LRP5: variants seen among roughly 807,000 people sequenced by gnomAD.
The protein encoded by LRP5 is LDL receptor related protein 5, also known as low-density lipoprotein receptor-related protein 5.
Under a neutral mutation model 154.1 loss-of-function variants are expected in LRP5, and 62 were observed. That is an observed-to-expected ratio of 0.40 (90% CI 0.33 to 0.50). LRP5 has a LOEUF of 0.50. Among genes scored for constraint, LRP5 ranks in the 20% least tolerant of loss-of-function variants. The pLI is 0.55. For missense variants in LRP5, 1,915 were observed against 2,336.7 expected, an observed-to-expected ratio of 0.82 and a Z score of 3.72; for synonymous variants, 966 against 1,011.5, an observed-to-expected ratio of 0.96 and a Z score of 0.85.
At chr11:68,422,493 T>A (rs1488128949) in intron 13 of LRP5, among the ~76,000 whole-genome samples, 4 of 152,206 alleles carry the variant, frequency 2.6e-5, no homozygotes, top group Non-Finnish European at 4.4e-5. Context: ...AGTAGGCTTC[T>A]GGGCTGTCCT....
intron 13 of LRP5, among the ~76,000 whole-genome samples, chr11:68,417,969 C>T (rs745688501): frequency 2.6e-5 from 4 of 151,952 alleles, no homozygotes; most frequent in South Asian, 4.1e-4. Context: ...AGTGCTGTAG[C>T]GGAAGTGAGC....
At chr11:68,376,400 C>G (rs1029134799) in intron 5 of LRP5, among the ~76,000 whole-genome samples, 2 of 152,112 alleles carry the variant, frequency 1.3e-5, no homozygotes, top group Non-Finnish European at 2.9e-5. Flanking sequence ...CCAGGATGGT[C>G]TCGATCTCCT....
At chr11:68,299,026 C>T in the LRP5 span, among the ~76,000 whole-genome samples, 6 of 152,188 alleles carry the variant, frequency 3.9e-5, no homozygotes, top group Admixed American at 2.0e-4. Flanking sequence ...GGACATCCGC[C>T]GTCCCGATCT....
chr11:68,348,958 A>AG (rs1238030008), intron 2 of LRP5, among the ~76,000 whole-genome samples: 52 of 151,464 alleles, frequency 3.4e-4, no homozygotes, highest in African/African-American at 1.3e-3. Context: ...AAAAAAAAAA[A>AG]GAGCTCAGCT....
intron 1 of LRP5, among the ~76,000 whole-genome samples, chr11:68,334,188 C>T (rs561779922): frequency 5.3e-5 from 8 of 152,274 alleles, no homozygotes; most frequent in Admixed American, 2.0e-4. Context: ...GAGCCTGGAT[C>T]GTGCCACTGC....
chr11:68,326,678 C>T (rs776897828), intron 1 of LRP5, among the ~76,000 whole-genome samples: 1 of 152,388 alleles, frequency 6.6e-6, no homozygotes, highest in African/African-American at 2.4e-5. Flanking sequence ...CTGTGGCTCC[C>T]CATCGCCTCT....
chr11:68,370,668 G>A (rs1390659541), intron 5 of LRP5, among the ~76,000 whole-genome samples: 2 of 152,236 alleles, frequency 1.3e-5, no homozygotes, highest in African/African-American at 4.8e-5. Flanking sequence ...CTCTAGTCTT[G>A]TGGGAACTGT....
chr11:68,377,157 G>A (rs548329852), intron 5 of LRP5, among the ~76,000 whole-genome samples: 1 of 152,192 alleles, frequency 6.6e-6, no homozygotes, highest in Non-Finnish European at 1.5e-5. Flanking sequence ...TTGTGGTGGG[G>A]CATGGGGGCA....
chr11:68,443,962 ACT>A (rs2098680051), intron 21 of LRP5, among the ~76,000 whole-genome samples: 1 of 151,266 alleles, frequency 6.6e-6, no homozygotes, highest in Non-Finnish European at 1.5e-5. Flanking sequence ...CCCAGCCCAC[ACT>A]CTCTTTCTTA....
Position 68,403,482 on chromosome 11 carries a change from G to C in LRP5, c.1585-1G>C. 1 of 1,614,010 alleles carries C rather than the reference G, an allele frequency of 6.2e-7. No individual in the cohort carries two copies. Among genetic ancestry groups the C allele is most frequent in the Non-Finnish European group, 8.5e-7 (1 of 1,179,934 alleles). ...AGACCTATATTTCTGCCGTCCTGCA[G>C]GTGATCAATGTTGATGGGACGAAGA... On this transcript the variant is annotated splice_acceptor_variant, in intron 7 of 22. Coordinates refer to ENST00000294304, the MANE Select transcript of LRP5 (RefSeq NM_002335.4). LOFTEE classifies it high-confidence loss of function.
chr11:68,444,988 G>A (rs2098680626), intron 21 of LRP5, among the ~76,000 whole-genome samples: 1 of 152,056 alleles, frequency 6.6e-6, no homozygotes, highest in Admixed American at 6.5e-5. Context: ...TTCCTAAAGG[G>A]CAGGGGAAGG....
At position 68,386,181 on chromosome 11, in the gene LRP5, C is replaced by A. The variant is rs796689379; in HGVS notation, c.1016-135C>A. 8.0e-5 allele frequency: 85 copies of A among 1,064,046 alleles called. 1 individual carries two copies. The African/African-American group carries it at 1.3e-3, about 16-fold the overall frequency. 65.9% of individuals were successfully genotyped at this position (1,064,046 alleles called of 1,614,324 possible). ...TGTAGCATGGGCTGGGTGCGTGTCA[C>A]CTAACATCACCAGCCTTTGCAAGGA... On this transcript the variant is annotated intron_variant, in intron 5 of 22. Coordinates refer to ENST00000294304, the MANE Select transcript of LRP5 (RefSeq NM_002335.4). This position sits in a 1 kb window ranked among gnomAD's most constrained non-coding sequence, Gnocchi z 7.9.
At chr11:68,429,544 G>T in intron 16 of LRP5, 31 bp from the exon 17 acceptor site, 1 of 1,613,420 alleles carries the variant, frequency 6.2e-7, no homozygotes, top group South Asian at 1.1e-5. Flanking sequence ...GACAGAGCCT[G>T]ACCTCTGTTT....
Position 68,365,711 on chromosome 11 carries a change from G to GT in LRP5, c.1015+10dup. 1 of 1,598,682 alleles carries GT rather than the reference G, an allele frequency of 6.3e-7. No homozygotes were observed. Among genetic ancestry groups the GT allele is most frequent in the Non-Finnish European group, 8.5e-7 (1 of 1,172,572 alleles). On this transcript the variant is annotated intron_variant, in intron 5 of 22. Coordinates refer to ENST00000294304, the MANE Select transcript of LRP5 (RefSeq NM_002335.4). ...CAGGACGTGTAAGGCAGGTGAGGCGGTGGGACGGGACGGGGCGGGCGGGCG... is the reference window on the plus strand; with the variant it reads ...CAGGACGTGTAAGGCAGGTGAGGCGGTTGGGACGGGACGGGGCGGGCGGGCG...
At chr11:68,348,849 TAGG>T (rs1372806940) in intron 2 of LRP5, among the ~76,000 whole-genome samples, 1 of 151,618 alleles carries the variant, frequency 6.6e-6, no homozygotes, top group African/African-American at 2.4e-5. Flanking sequence ...GAGGCTGAGG[TAGG>T]AGGATCATTT....
chr11:68,328,025 A>G (rs2098600670), intron 1 of LRP5, among the ~76,000 whole-genome samples: 1 of 152,228 alleles, frequency 6.6e-6, no homozygotes, highest in Non-Finnish European at 1.5e-5. Flanking sequence ...GCATATTTAC[A>G]ACTAAGAAAT....
chr11:68,381,093 G>C (rs1459439752), intron 5 of LRP5, among the ~76,000 whole-genome samples: 1 of 152,200 alleles, frequency 6.6e-6, no homozygotes, highest in African/African-American at 2.4e-5. Flanking sequence ...AGGGGTGAAG[G>C]CTGCATGGAG....
chr11:68,375,200 C>G (rs904939163), intron 5 of LRP5, among the ~76,000 whole-genome samples: 2 of 152,298 alleles, frequency 1.3e-5, no homozygotes, highest in African/African-American at 2.4e-5. Context: ...TTTCACTGAC[C>G]GTGCCCTGTG....
At chr11:68,440,196 T>C (rs2098677429) in intron 21 of LRP5, among the ~76,000 whole-genome samples, 1 of 152,206 alleles carries the variant, frequency 6.6e-6, no homozygotes, top group Non-Finnish European at 1.5e-5. Flanking sequence ...CAGGCGGCCG[T>C]CTGTGTTCCG....
Sources: allele counts gnomAD v4.1 joint callset (sites outside exome capture counted in the v4.1 genomes callset), GRCh38; gene constraint gnomAD v4.1.1; non-coding constraint Gnocchi (gnomAD v3.1); transcripts MANE v1.5; gene names NCBI Gene and HGNC (gene_info 2026-07-23, HGNC 2026-07-21).